HMGB2: variants seen among roughly 807,000 people sequenced by gnomAD.
HMGB2 encodes high mobility group box 2.
In HMGB2, 2 loss-of-function variants were observed where a neutral mutation model predicts 23.0. The ratio of observed to expected loss-of-function variants is 0.09; its 90% CI spans 0.04 to 0.27. The LOEUF (loss-of-function observed/expected upper bound fraction) is 0.27, where lower values mean the gene tolerates loss of function less well. Among genes scored for constraint, HMGB2 ranks in the 10% least tolerant of loss-of-function variants. HMGB2 has a pLI of 1.00. For synonymous variants in HMGB2, 99 were observed against 87.5 expected, an observed-to-expected ratio of 1.13 and a Z score of -0.73; for missense variants, 178 against 256.5, an observed-to-expected ratio of 0.69 and a Z score of 2.09.
rs769040496 is a variant in HMGB2 at position 173,333,512 on chromosome 4, C to T, written c.138G>A (p.Ser46=). 1 of 1,613,688 alleles carries T rather than the reference C, an allele frequency of 6.2e-7. No individual in the cohort carries two copies. Among genetic ancestry groups the T allele is most frequent in the South Asian group, 1.1e-5 (1 of 91,026 alleles). ...VNFAEFSKKC[S]ERWKTMSAKE... is the part of the protein sequence containing the mutation. Reference sequence around the variant, plus strand: ...TCTCCTGCCTCACCTTCCATCTCTCCGAACACTTCTTGGAGAATTCCGCGA... The same window carrying T: ...TCTCCTGCCTCACCTTCCATCTCTCTGAACACTTCTTGGAGAATTCCGCGA... Residue 46 remains serine (S), a synonymous_variant, in exon 2 of 5, where the codon TCG becomes TCA. Transcript: ENST00000296503. This position sits in a 1 kb window ranked among gnomAD's most constrained non-coding sequence, Gnocchi z 4.6.
At position 173,331,394 on chromosome 4, in the gene HMGB2, ATG is replaced by A. The variant is rs1178414280; in HGVS notation, c.*684_*685del. On this transcript the variant is annotated 3_prime_UTR_variant, in exon 5 of 5. Transcript: ENST00000296503. ...TATATACATATATATATATATATAT[ATG>A]TATATATATATACACACACCTGAGG... Among the ~76,000 whole-genome samples the A allele has an allele frequency of 3.6e-5, 5 of 138,876 alleles. No homozygotes were observed. The highest frequency in any genetic ancestry group is 1.2e-4 in the African/African-American group (4 of 34,406). 91.1% of individuals were successfully genotyped at this position (138,876 alleles called of 152,430 possible). A position where few individuals can be genotyped will look rare whatever the true frequency, so the allele number is the denominator to read the frequency against.
chr4:173,333,018 A>C lies in HMGB2; in HGVS notation c.297-23T>G. ...GATCTGAAAGGAAGCAACAGAGTTT[A>C]ATAAACTGAAGGAAAAATCCAAGGA... On this transcript the variant is annotated intron_variant, in intron 3 of 4. Coordinates refer to ENST00000296503, the MANE Select transcript of HMGB2 (RefSeq NM_002129.4). This position sits in a 1 kb window ranked among gnomAD's most constrained non-coding sequence, Gnocchi z 4.6. The C allele has an allele frequency of 6.2e-7, 1 of 1,612,890 alleles. No individual in the cohort carries two copies. The highest frequency in any genetic ancestry group is 8.5e-7 in the Non-Finnish European group (1 of 1,179,086).
rs1171260508 is a variant in HMGB2 at position 173,331,489 on chromosome 4, T to TTA, written c.*589_*590dup. Among the ~76,000 whole-genome samples the TTA allele has an allele frequency of 6.6e-6, 1 of 150,692 alleles. No individual in the cohort carries two copies. The highest frequency in any genetic ancestry group is 1.5e-5 in the Non-Finnish European group (1 of 67,776). On this transcript the variant is annotated 3_prime_UTR_variant, in exon 5 of 5. Transcript: ENST00000296503. The stretch of plus-strand genomic sequence containing the variant: ...ACGTTCTGTAAAACTGCATAAATTC[T>TTA]TATAAAGTTCACTGAGTTCAACATG...
At position 173,332,220 on chromosome 4, in the gene HMGB2, C is replaced by T. The variant is rs1738120156; in HGVS notation, c.490G>A (p.Ala164Thr). The change falls in exon 5 of 5, where the codon GCC becomes ACC. Residue 164 changes from alanine to threonine, a missense_variant. Transcript: ENST00000296503. ...KYEKDIAAYR[A>T]KGKSEAGKKG... Reference sequence around the variant, plus strand: ...TTTCCTGCTTCACTTTTGCCCTTGGCACGATATGCAGCAATATCCTGAAAT... The same window carrying T: ...TTTCCTGCTTCACTTTTGCCCTTGGTACGATATGCAGCAATATCCTGAAAT... 1 of 1,597,864 alleles carries T rather than the reference C, an allele frequency of 6.3e-7. No homozygotes were observed. Among genetic ancestry groups the T allele is most frequent in the Non-Finnish European group, 8.5e-7 (1 of 1,172,990 alleles).
chr4:173,332,387 A>C (rs1738125099), intron 4 of HMGB2, 149 bp from the exon 5 acceptor site: 1 of 607,128 alleles, frequency 1.6e-6, no homozygotes, highest in Non-Finnish European at 2.8e-6. Context: ...CACTTATCCC[A>C]CTAGGCTTTA....
rs979019988 is a variant in HMGB2 at position 173,331,416 on chromosome 4, C to G, written c.*664G>C. Among the ~76,000 whole-genome samples, 33 of 136,188 alleles carry G rather than the reference C, an allele frequency of 2.4e-4. No homozygotes were observed. Among genetic ancestry groups the G allele is most frequent in the African/African-American group, 9.4e-4 (32 of 34,094 alleles). 89.3% of individuals were successfully genotyped at this position (136,188 alleles called of 152,430 possible). A position where few individuals can be genotyped will look rare whatever the true frequency, so the allele number is the denominator to read the frequency against. ...TATATGTATATATATATACACACAC[C>G]TGAGGAACAATTTAGCTAATAAACA... On this transcript the variant is annotated 3_prime_UTR_variant, in exon 5 of 5. Coordinates refer to ENST00000296503, the MANE Select transcript of HMGB2 (RefSeq NM_002129.4).
chr4:173,333,757 C>T lies in HMGB2; in HGVS notation c.-20-88G>A, dbSNP rs1032385142. 8 of 1,110,894 alleles carry T rather than the reference C, an allele frequency of 7.2e-6. No homozygotes were observed. Among genetic ancestry groups the T allele is most frequent in the Admixed American group, 3.0e-5 (1 of 33,520 alleles). The allele number at this position is 1,110,894 out of a possible 1,614,324, so 68.8% of individuals were successfully genotyped here. ...GGCGGGCGCTGGCGGGGCTCCGCTT[C>T]CCGCCCAAATCCGCTCCCGCCCTGC... On this transcript the variant is annotated intron_variant, in intron 1 of 4. Transcript: ENST00000296503. The surrounding 1 kb of genome is among the most constrained non-coding windows in gnomAD (Gnocchi z 4.6).
At chr4:173,332,434 C>A (rs1281127930) in intron 4 of HMGB2, 196 bp from the exon 5 acceptor site, 3 of 555,126 alleles carry the variant, frequency 5.4e-6, no homozygotes, top group Non-Finnish European at 9.5e-6. Flanking sequence ...GGTTGCGATA[C>A]AGCAGTATCA....
chr4:173,332,112 C>T lies in HMGB2; in HGVS notation c.598G>A (p.Asp200Asn). 1 of 1,610,420 alleles carries T rather than the reference C, an allele frequency of 6.2e-7. No homozygotes were observed. The highest frequency in any genetic ancestry group is 8.5e-7 in the Non-Finnish European group (1 of 1,177,564). ...TCATCTTCATCCTCTTCCTCCTCAT[C>T]TTCATCTTCTTCTTCCTCCTCCTCC... is the stretch of plus-strand genomic sequence containing the variant. Reference protein sequence around the residue: ...EEEEEEEEDEDEEEEDEDEE With the variant: ...EEEEEEEEDENEEEEDEDEE The change falls in exon 5 of 5, where the codon GAT becomes AAT. Residue 200 changes from aspartate to asparagine, a missense_variant. Asp to Asn is a conservative substitution (Grantham distance 23). This residue lies in a region of HMGB2 where 45 missense variants were observed against 38.8 expected (regional missense o/e 1.16). Coordinates refer to ENST00000296503, the MANE Select transcript of HMGB2 (RefSeq NM_002129.4).
In HMGB2 at chr4:173,333,804, G is replaced by A. The variant is rs1738173236; in HGVS notation, c.-20-135C>T. 1 of 551,370 alleles carries A rather than the reference G, an allele frequency of 1.8e-6. No individual in the cohort carries two copies. The highest frequency in any genetic ancestry group is 2.7e-6 in the Non-Finnish European group (1 of 366,486). 34.2% of individuals were successfully genotyped at this position (551,370 alleles called of 1,614,324 possible). On this transcript the variant is annotated intron_variant, in intron 1 of 4. Coordinates refer to ENST00000296503, the MANE Select transcript of HMGB2 (RefSeq NM_002129.4). This position sits in a 1 kb window ranked among gnomAD's most constrained non-coding sequence, Gnocchi z 4.6. ...CTGCCCGCGCCCCCCTCCTCCCGAG[G>A]GCGTCCTCCCAAGGGCGGCCGCCCG...
rs1321286943 is a variant in HMGB2 at position 173,333,228 on chromosome 4, A to G, written c.151-14T>C. The stretch of plus-strand genomic sequence containing the variant: ...TGCAGACATGGTCTGTGGACATAAA[A>G]TAAGAGCCAAAAATACAGCAAAATT... On this transcript the variant is annotated splice_polypyrimidine_tract_variant and intron_variant, in intron 2 of 4. Transcript: ENST00000296503. The surrounding 1 kb of genome is among the most constrained non-coding windows in gnomAD (Gnocchi z 4.6). 1 of 1,604,172 alleles carries G rather than the reference A, an allele frequency of 6.2e-7. No homozygotes were observed. Among genetic ancestry groups the G allele is most frequent in the Non-Finnish European group, 8.5e-7 (1 of 1,176,612 alleles).
chr4:173,332,485 C>G lies in HMGB2; in HGVS notation c.472-247G>C. 4 of 511,150 alleles carry G rather than the reference C, an allele frequency of 7.8e-6. No individual in the cohort carries two copies. The South Asian group carries it at 1.2e-4, about 15-fold the overall frequency. The allele number at this position is 511,150 out of a possible 1,614,324, so 31.7% of individuals were successfully genotyped here. On this transcript the variant is annotated intron_variant, in intron 4 of 4. Coordinates refer to ENST00000296503, the MANE Select transcript of HMGB2 (RefSeq NM_002129.4). ...ATACCCTTTTACATCACACACAGTG[C>G]CATAGTCCCTCCTGTACCTTCACAT...
Position 173,333,739 on chromosome 4 carries a change from G to T in HMGB2, c.-20-70C>A. The stretch of plus-strand genomic sequence containing the variant: ...GGAGCCCGCAGCTGCCAGGGCGGGC[G>T]CTGGCGGGGCTCCGCTTCCCGCCCA... On this transcript the variant is annotated intron_variant, in intron 1 of 4. Coordinates refer to ENST00000296503, the MANE Select transcript of HMGB2 (RefSeq NM_002129.4). The surrounding 1 kb of genome is among the most constrained non-coding windows in gnomAD (Gnocchi z 4.6). 8.1e-7 allele frequency: 1 copy of T among 1,235,328 alleles called. No homozygotes were observed. Among genetic ancestry groups the T allele is most frequent in the Non-Finnish European group, 1.1e-6 (1 of 906,624 alleles). The allele number at this position is 1,235,328 out of a possible 1,614,324, so 76.5% of individuals were successfully genotyped here.
rs1216205723 is a variant in HMGB2, at chr4:173,332,914, T to C, written c.378A>G (p.Ala126=). The C allele has an allele frequency of 1.2e-6, 2 of 1,614,092 alleles. No homozygotes were observed. The highest frequency in any genetic ancestry group is 1.7e-6 in the Non-Finnish European group (2 of 1,180,044). Residue 126 remains alanine (A), a synonymous_variant, in exon 4 of 5, where the codon GCA becomes GCG. Coordinates refer to ENST00000296503, the MANE Select transcript of HMGB2 (RefSeq NM_002129.4). ...CAGACCACATTTCACCCAATTTCTTTGCAGTATCCCCAATGGATAGGCCAG... is the reference window on the plus strand; with the variant it reads ...CAGACCACATTTCACCCAATTTCTTCGCAGTATCCCCAATGGATAGGCCAG... ...EHPGLSIGDT[A]KKLGEMWSEQ... is the part of the protein sequence containing the mutation.
In HMGB2 at chr4:173,332,600, AACT is replaced by A. The variant is rs369966592; in HGVS notation, c.471+218_471+220del. 1.8e-3 allele frequency: 1,000 copies of A among 551,072 alleles called. 5 individuals carry two copies. The highest frequency in any genetic ancestry group is 0.013 in the African/African-American group (669 of 53,342). 34.1% of individuals were successfully genotyped at this position (551,072 alleles called of 1,614,324 possible). A position where few individuals can be genotyped will look rare whatever the true frequency, so the allele number is the denominator to read the frequency against. ...TACAGACTATACAATAACTACAAGT[AACT>A]ACAAGTCTGTCTGCAGGAATATACT... On this transcript the variant is annotated intron_variant, in intron 4 of 4. Coordinates refer to ENST00000296503, the MANE Select transcript of HMGB2 (RefSeq NM_002129.4).
At position 173,331,912 on chromosome 4, in the gene HMGB2, G is replaced by C. The variant is rs184471999; in HGVS notation, c.*168C>G. ...GTAGCCCATCAAAAAGCTACAACCT[G>C]CATTTTTTAAAAGTATTTTCTCTAC... On this transcript the variant is annotated 3_prime_UTR_variant, in exon 5 of 5. Coordinates refer to ENST00000296503, the MANE Select transcript of HMGB2 (RefSeq NM_002129.4). The C allele has an allele frequency of 3.3e-4, 313 of 952,840 alleles. 2 individuals carry two copies. The East Asian group carries it at 8.2e-3, about 25-fold the overall frequency. The allele number at this position is 952,840 out of a possible 1,614,324, so 59.0% of individuals were successfully genotyped here.
chr4:173,332,710 C>G (rs1452968916), intron 4 of HMGB2, 111 bp downstream of exon 4: 1 of 1,007,094 alleles, frequency 9.9e-7, no homozygotes, highest in Non-Finnish European at 1.5e-6. Flanking sequence ...TAGGCCTTTT[C>G]AAAACATAGC....
chr4:173,332,350 A>C, intron 4 of HMGB2, 112 bp from the exon 5 acceptor site: 1 of 795,544 alleles, frequency 1.3e-6, no homozygotes, highest in Non-Finnish European at 2.0e-6. Context: ...AACTGTCTAA[A>C]AAGGTAACCA....
Position 173,331,392 on chromosome 4 carries a change from ATATG to A in HMGB2, c.*684_*687del, listed in dbSNP as rs1295184139. 2.0e-4 allele frequency among the ~76,000 whole-genome samples: 29 copies of A among 142,146 alleles called. No individual in the cohort carries two copies. Among genetic ancestry groups the A allele is most frequent in the African/African-American group, 7.2e-4 (26 of 36,216 alleles). The allele number at this position is 142,146 out of a possible 152,430, so 93.3% of individuals were successfully genotyped here. ...TATATATACATATATATATATATAT[ATATG>A]TATATATATATACACACACCTGAGG... On this transcript the variant is annotated 3_prime_UTR_variant, in exon 5 of 5. Transcript: ENST00000296503.
Sources: allele counts gnomAD v4.1 joint callset (sites outside exome capture counted in the v4.1 genomes callset), GRCh38; gene constraint gnomAD v4.1.1; regional missense constraint gnomAD v4.1.1; non-coding constraint Gnocchi (gnomAD v3.1); transcripts MANE v1.5; gene names NCBI Gene and HGNC (gene_info 2026-07-23, HGNC 2026-07-21).